FAF1: variants seen among roughly 807,000 people sequenced by gnomAD.
FAF1 encodes FAS-associated factor 1.
Under a neutral mutation model 92.5 loss-of-function variants are expected in FAF1, and 25 were observed. That is an observed-to-expected ratio of 0.27 (90% confidence interval 0.20 to 0.38). The LOEUF is 0.38. FAF1 is among the 10% of genes least tolerant of loss of function. The pLI, the probability that FAF1 is intolerant of heterozygous loss-of-function variation, is 1.00. For missense variants in FAF1, 636 were observed against 793.3 expected, an observed-to-expected ratio of 0.80 and a Z score of 2.38; for synonymous variants, 234 against 273.2, an observed-to-expected ratio of 0.86 and a Z score of 1.42.
rs1290596828 is a variant in FAF1 at position 50,824,635 on chromosome 1, T to C, written c.115-22958A>G. Among the ~76,000 whole-genome samples the C allele has an allele frequency of 3.9e-5, 6 of 152,252 alleles. No individual in the cohort carries two copies. The South Asian group carries it at 6.2e-4, about 16-fold the overall frequency. On this transcript the variant is annotated intron_variant, in intron 2 of 18. Coordinates refer to ENST00000396153, the MANE Select transcript of FAF1 (RefSeq NM_007051.3). The stretch of plus-strand genomic sequence containing the variant: ...GCAGGGTATACATCCAAAGAAGAGA[T>C]AGTTGCACTCCTATGTTTATTGCAG...
intron 14 of FAF1, among the ~76,000 whole-genome samples, chr1:50,535,864 C>T (rs1382822928): frequency 6.6e-6 from 1 of 152,118 alleles, no homozygotes; most frequent in Non-Finnish European, 1.5e-5. Context: ...TTAATCTGTA[C>T]AACAAATCTA....
chr1:50,531,348 G>C (rs137873747), intron 15 of FAF1, among the ~76,000 whole-genome samples: 1 of 152,140 alleles, frequency 6.6e-6, no homozygotes, highest in African/African-American at 2.4e-5. Context: ...ATAAACAAAT[G>C]AAACAATAAA....
chr1:50,624,022 A>G (rs1225741527), intron 8 of FAF1, among the ~76,000 whole-genome samples: 1 of 125,920 alleles, frequency 7.9e-6, no homozygotes, highest in Admixed American at 7.4e-5. Context: ...GAAGAAGAAG[A>G]AAGAAGAAAG....
In FAF1 at chr1:50,932,461, C is replaced by G. The variant is rs545525616; in HGVS notation, c.45+27306G>C. ...CCAGCGGGGCAGTTAAATTTTAAAG[C>G]GCCAAAATGATCTCCTTTGACTCCA... On this transcript the variant is annotated intron_variant, in intron 1 of 18. Transcript: ENST00000396153. Among the ~76,000 whole-genome samples the G allele has an allele frequency of 2.0e-5, 3 of 152,306 alleles. No homozygotes were observed. In the South Asian group the frequency reaches 6.2e-4, roughly 32 times the overall value.
chr1:50,845,220 GAA>G (rs1314520142), intron 2 of FAF1, among the ~76,000 whole-genome samples: 1 of 152,208 alleles, frequency 6.6e-6, no homozygotes, highest in African/African-American at 2.4e-5. Context: ...ACTGCAGAAG[GAA>G]GATGTACGCC....
chr1:50,900,852 T>C (rs1279938293), intron 1 of FAF1, among the ~76,000 whole-genome samples: 3 of 152,176 alleles, frequency 2.0e-5, no homozygotes, highest in Non-Finnish European at 4.4e-5. Flanking sequence ...TGGGTATACA[T>C]ATACATATGC....
chr1:50,939,706 C>G (rs969037422), intron 1 of FAF1, among the ~76,000 whole-genome samples: 3 of 152,056 alleles, frequency 2.0e-5, no homozygotes. Flanking sequence ...CCTTCCATGC[C>G]TAGTCTGTGG....
chr1:50,581,855 G>A (rs1650998860), intron 12 of FAF1, among the ~76,000 whole-genome samples: 1 of 152,172 alleles, frequency 6.6e-6, no homozygotes, highest in Admixed American at 6.5e-5. Context: ...TGTGAGGCAG[G>A]GAATGGGAAG....
rs1254959300 is a variant in FAF1, at chr1:50,801,619, T to C, written c.161+12A>G. ...CTAAGTCATCTTAACTGGTAAGCAC[T>C]TTATAACATACCTTTGTAGAATGCC... On this transcript the variant is annotated intron_variant, in intron 3 of 18. Transcript: ENST00000396153. 1 of 1,506,020 alleles carries C rather than the reference T, an allele frequency of 6.6e-7. No individual in the cohort carries two copies. The highest frequency in any genetic ancestry group is 1.7e-5 in the Admixed American group (1 of 59,798). The allele number at this position is 1,506,020 out of a possible 1,614,324, so 93.3% of individuals were successfully genotyped here.
At chr1:50,470,361 A>G (rs955574990) in intron 18 of FAF1, among the ~76,000 whole-genome samples, 1 of 152,226 alleles carries the variant, frequency 6.6e-6, no homozygotes, top group African/African-American at 2.4e-5. Flanking sequence ...CTCTGCTTTT[A>G]TAATTGTTCA....
intron 4 of FAF1, among the ~76,000 whole-genome samples, chr1:50,746,292 A>ATTTT (rs1165741663): frequency 1.3e-4 from 3 of 22,678 alleles, no homozygotes; most frequent in African/African-American, 7.0e-4. Flanking sequence ...ATATATATAT[A>ATTTT]TTTTTTTTTT....
intron 13 of FAF1, among the ~76,000 whole-genome samples, chr1:50,552,565 G>A (rs1649363719): frequency 6.6e-6 from 1 of 152,118 alleles, no homozygotes; most frequent in South Asian, 2.1e-4. Context: ...GAAAATAAAT[G>A]TTAAAGTAAG....
chr1:50,660,087 A>G (rs1325811711), intron 7 of FAF1, among the ~76,000 whole-genome samples: 2 of 152,212 alleles, frequency 1.3e-5, no homozygotes, highest in African/African-American at 4.8e-5. Context: ...TAAGCTACTC[A>G]ATATAAAATT....
chr1:50,551,116 A>T, intron 13 of FAF1, among the ~76,000 whole-genome samples: 1 of 152,248 alleles, frequency 6.6e-6, no homozygotes, highest in East Asian at 1.9e-4. Context: ...ATCCAATTTT[A>T]TTTTTTATTT....
intron 4 of FAF1, among the ~76,000 whole-genome samples, chr1:50,750,862 A>G (rs985533664): frequency 6.6e-5 from 10 of 151,378 alleles, no homozygotes; most frequent in African/African-American, 1.9e-4. Context: ...ACCACAAGTG[A>G]TCTGCCTGCC....
intron 8 of FAF1, among the ~76,000 whole-genome samples, chr1:50,633,179 T>A (rs1653864687): frequency 6.6e-6 from 1 of 152,094 alleles, no homozygotes; most frequent in South Asian, 2.1e-4. Flanking sequence ...GCCAGCAGGG[T>A]TCACAAGCAA....
intron 1 of FAF1, among the ~76,000 whole-genome samples, chr1:50,939,445 A>G (rs1645112453): frequency 6.6e-6 from 1 of 152,228 alleles, no homozygotes; most frequent in Non-Finnish European, 1.5e-5. Flanking sequence ...AAATTGTTTA[A>G]CAGTTCTAGG....
intron 15 of FAF1, among the ~76,000 whole-genome samples, chr1:50,530,776 C>CA (rs1055281794): frequency 6.6e-6 from 1 of 151,970 alleles, no homozygotes; most frequent in African/African-American, 2.4e-5. Context: ...ACTGTGTACC[C>CA]AAAAAATGAA....
Position 50,716,840 on chromosome 1 carries a change from G to A in FAF1, c.552-10949C>T, listed in dbSNP as rs200572749. Among the ~76,000 whole-genome samples, 5 of 152,316 alleles carry A rather than the reference G, an allele frequency of 3.3e-5. No individual in the cohort carries two copies. The East Asian group carries it at 9.6e-4, about 29-fold the overall frequency. On this transcript the variant is annotated intron_variant, in intron 6 of 18. Coordinates refer to ENST00000396153, the MANE Select transcript of FAF1 (RefSeq NM_007051.3). ...AAGGGACTAAAAGCTGGCCACCCCAGCCAGCAGTGGCGACCCACTCGGGTC... is the reference window on the plus strand; with the variant it reads ...AAGGGACTAAAAGCTGGCCACCCCAACCAGCAGTGGCGACCCACTCGGGTC...
Sources: gnomAD v4.1 joint callset for allele counts (sites outside exome capture counted in the v4.1 genomes callset) on GRCh38, gnomAD v4.1.1 for gene constraint, MANE v1.5 for transcripts, NCBI Gene and HGNC (gene_info 2026-07-23, HGNC 2026-07-21) for gene names.